FAM78B: variants seen among roughly 807,000 people sequenced by gnomAD.
FAM78B encodes the protein family with sequence similarity 78 member B.
FAM78B carries 10 observed loss-of-function variants against 20.0 expected under a neutral mutation model. That is an observed-to-expected ratio of 0.50 (90% CI 0.31 to 0.85). FAM78B has a LOEUF of 0.85. Ranked by LOEUF, FAM78B falls within the 40% of genes least tolerant of loss-of-function variation. The pLI, the probability that FAM78B is intolerant of heterozygous loss-of-function variation, is 0.05. For synonymous variants in FAM78B, 135 were observed against 132.8 expected, an observed-to-expected ratio of 1.02 and a Z score of -0.12; for missense variants, 283 against 345.0, an observed-to-expected ratio of 0.82 and a Z score of 1.42.
chr1:166,159,493 A>C (rs1212887872), intron 1 of FAM78B, among the ~76,000 whole-genome samples: 1 of 152,072 alleles, frequency 6.6e-6, no homozygotes, highest in Non-Finnish European at 1.5e-5. Flanking sequence ...GGGACTGCAC[A>C]CCCCACACCA....
chr1:166,113,919 T>C (rs1181091114), intron 1 of FAM78B, among the ~76,000 whole-genome samples: 1 of 152,072 alleles, frequency 6.6e-6, no homozygotes, highest in Non-Finnish European at 1.5e-5. Context: ...TCCAAACTGG[T>C]GAAAACCAGT....
intron 1 of FAM78B, among the ~76,000 whole-genome samples, chr1:166,074,656 T>G (rs1652195857): frequency 6.6e-6 from 1 of 152,184 alleles, no homozygotes; most frequent in South Asian, 2.1e-4. Context: ...ATATATTTAC[T>G]CACCTTTAAA....
At chr1:166,077,263 G>A (rs1652311289) in intron 1 of FAM78B, among the ~76,000 whole-genome samples, 1 of 152,182 alleles carries the variant, frequency 6.6e-6, no homozygotes, top group African/African-American at 2.4e-5. Context: ...TCTGGAGGCA[G>A]ACTGCTTAGG....
intron 1 of FAM78B, among the ~76,000 whole-genome samples, chr1:166,126,646 T>C (rs1050412948): frequency 6.6e-6 from 1 of 151,904 alleles, no homozygotes; most frequent in African/African-American, 2.4e-5. Flanking sequence ...GAAGGAGTGA[T>C]GATGGAGAAG....
chr1:166,095,056 C>T (rs1041027107), intron 1 of FAM78B, among the ~76,000 whole-genome samples: 5 of 152,150 alleles, frequency 3.3e-5, no homozygotes, highest in Non-Finnish European at 7.4e-5. Context: ...CTTCTGCCTT[C>T]ATCATTAGAC....
intron 1 of FAM78B, among the ~76,000 whole-genome samples, chr1:166,073,530 T>TTC (rs201250908): frequency 8.7e-4 from 119 of 136,006 alleles, no homozygotes; most frequent in Admixed American, 1.3e-3. Flanking sequence ...TCCTTTCTCT[T>TTC]TCTCTCTTTT....
chr1:166,061,703 T>C lies in FAM78B; in HGVS notation c.*410-1040A>G, dbSNP rs1339742462. Among the ~76,000 whole-genome samples, 2 of 152,246 alleles carry C rather than the reference T, an allele frequency of 1.3e-5. 1 individual carries two copies. On this transcript the variant is annotated intron_variant and NMD_transcript_variant, in intron 2 of 2. Transcript: ENST00000435676. ...GTGCTGTGGAATAGCTGCCATGCTC[T>C]TTGGTGCCACTTCCCCTTCCTGCAA... is the stretch of plus-strand genomic sequence containing the variant.
chr1:166,059,631 T>A (rs559308681), exon 3 of FAM78B: 1 of 152,136 alleles, frequency 6.6e-6, no homozygotes, highest in African/African-American at 2.4e-5. Context: ...CCCACCTGAG[T>A]AAAGGAGAAT....
chr1:166,060,687 T>C (rs1235655575), intron 2 of FAM78B: 3 of 1,272,732 alleles, frequency 2.4e-6, no homozygotes, highest in South Asian at 1.2e-5. Context: ...TGGAAACATG[T>C]AAATAAAGCG....
At chr1:166,148,618 G>T (rs1407151872) in intron 1 of FAM78B, among the ~76,000 whole-genome samples, 1 of 152,224 alleles carries the variant, frequency 6.6e-6, no homozygotes, top group Non-Finnish European at 1.5e-5. Flanking sequence ...AAAAGGATCT[G>T]CCCAATGGCA....
intron 1 of FAM78B, among the ~76,000 whole-genome samples, chr1:166,075,061 C>T (rs1026013435): frequency 3.9e-5 from 6 of 152,210 alleles, no homozygotes; most frequent in South Asian, 2.1e-4. Context: ...ACACTGCTGG[C>T]GGGGCAGGGT....
At chr1:166,118,541 T>C (rs1654346427) in intron 1 of FAM78B, among the ~76,000 whole-genome samples, 1 of 152,112 alleles carries the variant, frequency 6.6e-6, no homozygotes, top group African/African-American at 2.4e-5. Flanking sequence ...CTACTGCTTG[T>C]TTTTATATTA....
At chr1:166,109,906 A>ATATG (rs1653980483) in intron 1 of FAM78B, among the ~76,000 whole-genome samples, 1 of 102,000 alleles carries the variant, frequency 9.8e-6, no homozygotes, top group South Asian at 3.2e-4. Context: ...ATATATATAT[A>ATATG]TATATATATA....
At chr1:166,129,363 GCTTTT>G (rs1009079988) in intron 1 of FAM78B, among the ~76,000 whole-genome samples, 2 of 152,190 alleles carry the variant, frequency 1.3e-5, no homozygotes, top group Non-Finnish European at 1.5e-5. Flanking sequence ...AGGCTGAGTT[GCTTTT>G]CTTTTCTTTT....
In FAM78B at chr1:166,155,304, C is replaced by G. The variant is rs894519863; in HGVS notation, c.263+10682G>C. 3.3e-5 allele frequency among the ~76,000 whole-genome samples: 5 copies of G among 152,208 alleles called. No homozygotes were observed. In the South Asian group the frequency reaches 1.0e-3, roughly 31 times the overall value. On this transcript the variant is annotated intron_variant, in intron 1 of 1. Coordinates refer to ENST00000354422, the MANE Select transcript of FAM78B (RefSeq NM_001017961.5). Reference sequence around the variant, plus strand: ...AAGGAGTCACAGGAATTAGTTTGACCTGCTTTCTAAATCTGGCTCTGGCAC... The same window carrying G: ...AAGGAGTCACAGGAATTAGTTTGACGTGCTTTCTAAATCTGGCTCTGGCAC...
intron 1 of FAM78B, among the ~76,000 whole-genome samples, chr1:166,103,492 T>TA (rs1343591296): frequency 6.6e-6 from 1 of 151,934 alleles, no homozygotes; most frequent in Non-Finnish European, 1.5e-5. Flanking sequence ...GAGAATCAAA[T>TA]AGACACAATA....
At chr1:166,083,159 G>C (rs1214818098) in intron 1 of FAM78B, among the ~76,000 whole-genome samples, 1 of 152,178 alleles carries the variant, frequency 6.6e-6, no homozygotes, top group African/African-American at 2.4e-5. Flanking sequence ...CCTGAGAAAA[G>C]ACATTATTGG....
intron 1 of FAM78B, among the ~76,000 whole-genome samples, chr1:166,159,586 A>G (rs1656064191): frequency 6.6e-6 from 1 of 151,906 alleles, no homozygotes; most frequent in Admixed American, 6.6e-5. Flanking sequence ...CTAAAACAGC[A>G]TTTGTCCCTG....
chr1:166,066,574 C>T (rs1290957857), downstream of FAM78B, among the ~76,000 whole-genome samples: 1 of 152,118 alleles, frequency 6.6e-6, no homozygotes, highest in Non-Finnish European at 1.5e-5. Context: ...ATGGATATGC[C>T]ACTTAACCTC....
Sources: gnomAD v4.1 joint callset for allele counts (sites outside exome capture counted in the v4.1 genomes callset) on GRCh38, gnomAD v4.1.1 for gene constraint, MANE v1.5 for transcripts, NCBI Gene and HGNC (gene_info 2026-07-23, HGNC 2026-07-21) for gene names.